Variants in PSPH observed in about 807,000 individuals in gnomAD.
The protein encoded by PSPH is phosphoserine phosphatase.
A neutral mutation model predicts 23.4 loss-of-function variants in PSPH; 16 were observed. The observed-to-expected ratio is 0.68, with a 90% CI of 0.46 to 1.04. The LOEUF is 1.04. Among genes scored for constraint, PSPH ranks in the 50% least tolerant of loss-of-function variants. The pLI, the probability that PSPH is intolerant of heterozygous loss-of-function variation, is 0.00. For synonymous variants in PSPH, 68 were observed against 99.7 expected (o/e 0.68, Z 1.89); for missense variants, 223 against 273.7 (o/e 0.81, Z 1.31).
At chr7:56,031,089 T>C (rs1790924384) in intron 3 of PSPH, among the ~76,000 whole-genome samples, 1 of 151,248 alleles carries the variant, frequency 6.6e-6, no homozygotes, top group Admixed American at 6.6e-5. Context: ...CGGGCGCCTG[T>C]AGTCCCAGCT....
At position 56,021,199 on chromosome 7, in the gene PSPH, G is replaced by A. The variant is rs775089205; in HGVS notation, c.14C>T (p.Ser5Leu). The A allele has an allele frequency of 1.2e-6, 2 of 1,614,170 alleles. No homozygotes were observed. Among genetic ancestry groups the A allele is most frequent in the Non-Finnish European group, 1.7e-6 (2 of 1,179,982 alleles). Residue 5 changes from serine (S) to leucine (L), a missense_variant, in exon 4 of 8, where the codon TCA (serine) becomes TTA (leucine). Coordinates refer to ENST00000275605, the MANE Select transcript of PSPH (RefSeq NM_004577.4). ...TGAGTAGAAAAGCTTCCTCAGCTCT[G>A]AGTGGGAGACCATCGCTGGAAGAAT... is the stretch of plus-strand genomic sequence containing the variant. MVSH[S>L]ELRKLFYSAD...
At chr7:56,038,103 G>C (rs1376515421) in intron 1 of PSPH, among the ~76,000 whole-genome samples, 1 of 151,512 alleles carries the variant, frequency 6.6e-6, no homozygotes, top group Admixed American at 6.6e-5. Flanking sequence ...TAGTAAATTG[G>C]AACAAGCCCT....
chr7:56,032,210 T>C (rs1791088815), intron 2 of PSPH, among the ~76,000 whole-genome samples, 156 bp from the exon 3 acceptor site: 1 of 152,174 alleles, frequency 6.6e-6, no homozygotes, highest in South Asian at 2.1e-4. Flanking sequence ...GCTTTACTCC[T>C]ACCCACCTTC....
chr7:56,013,553 A>C (rs1788213690), intron 7 of PSPH, among the ~76,000 whole-genome samples: 2 of 151,680 alleles, frequency 1.3e-5, no homozygotes, highest in South Asian at 4.2e-4. Flanking sequence ...AGAAAATGAC[A>C]TTAATTCAGA....
rs1370413730 is a variant in PSPH, at chr7:56,051,306, C to CT, written c.-461dup. The CT allele has an allele frequency of 1.2e-5, 2 of 160,708 alleles. No individual in the cohort carries two copies. The highest frequency in any genetic ancestry group is 2.4e-5 in the African/African-American group (1 of 41,500). The allele number at this position is 160,708 out of a possible 1,614,324, so 10.0% of individuals were successfully genotyped here. The stretch of plus-strand genomic sequence containing the variant: ...TGCAGCTTTCTAAAGGTATCCAGCA[C>CT]TTTCTACCTTGCATTCTATCTTCAT... On this transcript the variant is annotated 5_prime_UTR_variant, in exon 1 of 8. The change abolishes the stop of an existing upstream ORF in the 5' untranslated region. Transcript: ENST00000275605.
chr7:56,011,674 G>GT lies in PSPH; in HGVS notation c.*87dup, dbSNP rs1271207231. 1 of 1,010,174 alleles carries GT rather than the reference G, an allele frequency of 9.9e-7. No individual in the cohort carries two copies. The highest frequency in any genetic ancestry group is 1.6e-5 in the African/African-American group (1 of 62,508). 62.6% of individuals were successfully genotyped at this position (1,010,174 alleles called of 1,614,324 possible). ...TTGTACCAACTTTCTATAGCAAGTT[G>GT]TAATAGGCAACTGTAAGCAAACAGT... On this transcript the variant is annotated 3_prime_UTR_variant, in exon 8 of 8. Coordinates refer to ENST00000275605, the MANE Select transcript of PSPH (RefSeq NM_004577.4).
intron 3 of PSPH, among the ~76,000 whole-genome samples, chr7:56,031,142 C>T (rs1439453363): frequency 6.7e-6 from 1 of 149,256 alleles, no homozygotes; most frequent in African/African-American, 2.5e-5. Flanking sequence ...ACCCGGGAAG[C>T]GGAGCTTGCA....
chr7:56,038,744 G>A (rs1792070632), intron 1 of PSPH, among the ~76,000 whole-genome samples: 2 of 151,936 alleles, frequency 1.3e-5, no homozygotes, highest in African/African-American at 4.8e-5. Flanking sequence ...TACTTGGGAG[G>A]CTGAGGTGGG....
Position 56,019,617 on chromosome 7 carries a change from G to A in PSPH, c.258C>T (p.His86=), listed in dbSNP as rs1423483202. The change falls in exon 5 of 8, where the codon CAC becomes CAT. Residue 86 remains histidine, a synonymous_variant. Transcript: ENST00000275605. The part of the protein sequence containing the change: ...VQRLIAEQPP[H]LTPGIRELVS... ...CCTCTTACCTTATGCCGGGGGTCAGGTGTGGGGGTTGCTCTGCTATGAGTC... is the reference window on the plus strand; with the variant it reads ...CCTCTTACCTTATGCCGGGGGTCAGATGTGGGGGTTGCTCTGCTATGAGTC... 6.2e-7 allele frequency: 1 copy of A among 1,613,756 alleles called. No individual in the cohort carries two copies. The highest frequency in any genetic ancestry group is 2.2e-5 in the East Asian group (1 of 44,888).
chr7:56,019,815 G>C, intron 4 of PSPH, 81 bp from the exon 5 acceptor site: 1 of 1,474,650 alleles, frequency 6.8e-7, no homozygotes, highest in South Asian at 1.2e-5. Flanking sequence ...GGGTCTGCAC[G>C]ACATCCACCA....
rs1485494553 is a variant in PSPH at position 56,050,954 on chromosome 7, G to A, written c.-292+184C>T. Among the ~76,000 whole-genome samples the A allele has an allele frequency of 4.6e-5, 7 of 152,094 alleles. No individual in the cohort carries two copies. In the East Asian group the frequency reaches 7.8e-4, roughly 17 times the overall value. The stretch of plus-strand genomic sequence containing the variant: ...AACACTTTGGAAGGCCGAGGCGGGA[G>A]GATCACTTGAACTCAGGAGTATCAC... On this transcript the variant is annotated intron_variant, in intron 1 of 7. Transcript: ENST00000275605.
intron 3 of PSPH, among the ~76,000 whole-genome samples, chr7:56,030,815 C>A (rs957295033): frequency 5.3e-5 from 8 of 152,070 alleles, no homozygotes; most frequent in African/African-American, 1.7e-4. Flanking sequence ...AGGAGAATCA[C>A]TTGAACCTTG....
chr7:56,037,297 A>G (rs1327288513), intron 1 of PSPH, among the ~76,000 whole-genome samples: 1 of 152,228 alleles, frequency 6.6e-6, no homozygotes, highest in Non-Finnish European at 1.5e-5. Flanking sequence ...TAAGAACCAA[A>G]TACAATACAG....
chr7:56,016,403 C>CAAAAAA (rs1187610566), intron 6 of PSPH, among the ~76,000 whole-genome samples: 20 of 85,376 alleles, frequency 2.3e-4, no homozygotes, highest in Non-Finnish European at 2.8e-4. Flanking sequence ...GACCCTGTCT[C>CAAAAAA]AAAAAAAAAA....
chr7:56,011,937 GCT>G, intron 7 of PSPH, 68 bp from the exon 8 acceptor site: 1 of 1,283,684 alleles, frequency 7.8e-7, no homozygotes. Context: ...TTGGAGTCTC[GCT>G]CTGTCACCCA....
chr7:56,016,052 T>A (rs1788509323), intron 6 of PSPH, among the ~76,000 whole-genome samples: 1 of 152,074 alleles, frequency 6.6e-6, no homozygotes, highest in Non-Finnish European at 1.5e-5. Context: ...TTACAGTAAT[T>A]ACCACACTCA....
intron 7 of PSPH, among the ~76,000 whole-genome samples, chr7:56,014,325 C>T (rs369625266): frequency 3.8e-4 from 58 of 152,204 alleles, no homozygotes; most frequent in African/African-American, 1.2e-3. Flanking sequence ...GCCCATCCTA[C>T]GGGGATAAGG....
chr7:56,022,915 C>A (rs1009380705), intron 3 of PSPH, among the ~76,000 whole-genome samples: 3 of 152,080 alleles, frequency 2.0e-5, no homozygotes, highest in African/African-American at 7.2e-5. Flanking sequence ...AAAAATTAGC[C>A]GGGCAGGATG....
Position 56,035,196 on chromosome 7 carries a change from C to T in PSPH, c.-291-1090G>A, listed in dbSNP as rs188843870. ...TCTCCAGCAAAAATACAAAAATTAG[C>T]GGGGCATGGTGGTGCATGCCTGTAG... On this transcript the variant is annotated intron_variant, in intron 1 of 7. Transcript: ENST00000275605. Among the ~76,000 whole-genome samples the T allele has an allele frequency of 6.0e-4, 92 of 152,212 alleles. 1 individual carries two copies. The East Asian group carries it at 9.5e-3, about 16-fold the overall frequency.
Sources: allele counts gnomAD v4.1 joint callset (sites outside exome capture counted in the v4.1 genomes callset), GRCh38; gene constraint gnomAD v4.1.1; transcripts MANE v1.5; gene names NCBI Gene and HGNC (gene_info 2026-07-23, HGNC 2026-07-21).